The following SIPA1L1 variants were observed in gnomAD, a reference collection of about 807,000 sequenced individuals.
SIPA1L1 encodes signal induced proliferation associated 1 like 1, also known as signal-induced proliferation-associated 1-like protein 1.
SIPA1L1 carries 26 observed loss-of-function variants against 162.7 expected under a neutral mutation model. The observed-to-expected ratio is 0.16, with a 90% CI of 0.12 to 0.22. SIPA1L1 has a LOEUF of 0.22. Among genes scored for constraint, SIPA1L1 ranks in the 10% least tolerant of loss-of-function variants. SIPA1L1 has a pLI of 1.00. For synonymous variants in SIPA1L1, 829 were observed against 837.4 expected (o/e 0.99, Z 0.17); for missense variants, 1,874 against 2,241.0 (o/e 0.84, Z 3.31).
intron 7 of SIPA1L1, among the ~76,000 whole-genome samples, chr14:71,626,621 A>G (rs930272434): frequency 6.6e-6 from 1 of 152,208 alleles, no homozygotes; most frequent in African/African-American, 2.4e-5. Flanking sequence ...ATTGCAAAGC[A>G]TTTTTAGTTT....
intron 9 of SIPA1L1, 104 bp from the exon 10 acceptor site, chr14:71,661,206 A>G: frequency 8.5e-7 from 1 of 1,174,976 alleles, no homozygotes; most frequent in Non-Finnish European, 1.2e-6. Flanking sequence ...CTTCATGTGT[A>G]CTGATTAGGA....
intron 2 of SIPA1L1, among the ~76,000 whole-genome samples, chr14:71,417,336 T>C (rs1346642535): frequency 6.7e-6 from 1 of 149,078 alleles, no homozygotes; most frequent in Non-Finnish European, 1.5e-5. Context: ...CCGGGCGAGG[T>C]GGCGGGTGCC....
At chr14:71,681,384 G>C (rs2045794871) in intron 12 of SIPA1L1, among the ~76,000 whole-genome samples, 1 of 152,154 alleles carries the variant, frequency 6.6e-6, no homozygotes, top group Admixed American at 6.5e-5. Context: ...GCATAGAGTG[G>C]TCAACCCTTT....
At chr14:71,452,172 C>A (rs528178589) in intron 2 of SIPA1L1, among the ~76,000 whole-genome samples, 1 of 151,876 alleles carries the variant, frequency 6.6e-6, no homozygotes, top group Admixed American at 6.6e-5. Context: ...GGAAACCCCC[C>A]CCTCATGTTC....
chr14:71,374,830 G>T (rs2039231995), intron 2 of SIPA1L1, among the ~76,000 whole-genome samples: 1 of 151,554 alleles, frequency 6.6e-6, no homozygotes, highest in South Asian at 2.1e-4. Context: ...TAAGGATTTG[G>T]CTCCTCCTAT....
chr14:71,447,436 G>A (rs2045491951), intron 2 of SIPA1L1, among the ~76,000 whole-genome samples: 2 of 152,152 alleles, frequency 1.3e-5, no homozygotes, highest in Admixed American at 6.5e-5. Context: ...ATTGATGGCA[G>A]ATGCTTCCTA....
At chr14:71,362,084 A>G (rs775718078) in intron 2 of SIPA1L1, among the ~76,000 whole-genome samples, 8 of 152,180 alleles carry the variant, frequency 5.3e-5, no homozygotes, top group Non-Finnish European at 1.2e-4. Flanking sequence ...GTCATGGCAA[A>G]TGGTGAGTGC....
In SIPA1L1 at chr14:71,543,808, T is replaced by C. The variant is rs181356822; in HGVS notation, c.-303+14438T>C. On this transcript the variant is annotated intron_variant, in intron 4 of 23. Transcript: ENST00000381232. ...TAAGATTATATATGTATATAATGTA[T>C]GTATATGTATGTGTATATATACATA... is the stretch of plus-strand genomic sequence containing the variant. Among the ~76,000 whole-genome samples, 4 of 150,070 alleles carry C rather than the reference T, an allele frequency of 2.7e-5. No homozygotes were observed. In the East Asian group the frequency reaches 7.8e-4, roughly 29 times the overall value.
intron 17 of SIPA1L1, among the ~76,000 whole-genome samples, chr14:71,710,367 G>A (rs1297757044): frequency 6.6e-6 from 1 of 152,142 alleles, no homozygotes; most frequent in Non-Finnish European, 1.5e-5. Context: ...ATCCACATAG[G>A]GAAGAAGCAT....
intron 4 of SIPA1L1, among the ~76,000 whole-genome samples, chr14:71,555,877 T>C (rs942112159): frequency 5.3e-5 from 8 of 152,178 alleles, no homozygotes; most frequent in African/African-American, 1.9e-4. Flanking sequence ...ATTTGTTGAT[T>C]GATTGCCGTC....
At chr14:71,699,652 G>A (rs928720844) in intron 14 of SIPA1L1, among the ~76,000 whole-genome samples, 13 of 152,234 alleles carry the variant, frequency 8.5e-5, no homozygotes, top group African/African-American at 2.7e-4. Context: ...AACTGAGGAT[G>A]TGCAAGCTGA....
chr14:71,550,857 C>G (rs1465484306), intron 4 of SIPA1L1, among the ~76,000 whole-genome samples: 1 of 152,072 alleles, frequency 6.6e-6, no homozygotes, highest in East Asian at 1.9e-4. Context: ...TTGAGACCAG[C>G]CTGAGCAACA....
At chr14:71,428,271 A>C (rs2043729638) in intron 2 of SIPA1L1, among the ~76,000 whole-genome samples, 1 of 151,988 alleles carries the variant, frequency 6.6e-6, no homozygotes, top group African/African-American at 2.4e-5. Flanking sequence ...TGCTGGGATT[A>C]CAGGCATGAG....
chr14:71,685,890 G>A (rs1486289790), intron 13 of SIPA1L1, among the ~76,000 whole-genome samples: 1 of 152,194 alleles, frequency 6.6e-6, no homozygotes, highest in Non-Finnish European at 1.5e-5. Context: ...ATTATCAACA[G>A]ACGTCGTTAC....
At chr14:71,674,786 G>A (rs10152026) in intron 12 of SIPA1L1, among the ~76,000 whole-genome samples, 1,627 of 151,452 alleles carry the variant, frequency 0.011, 38 homozygotes, top group African/African-American at 0.037. Flanking sequence ...GGATGGTCTC[G>A]ATCTCCTGAC....
At chr14:71,326,247 C>T (rs2033787571) in intron 2 of SIPA1L1, among the ~76,000 whole-genome samples, 3 of 148,580 alleles carry the variant, frequency 2.0e-5, no homozygotes. Flanking sequence ...CTCGCTGTGT[C>T]ACCCAGGCTG....
intron 21 of SIPA1L1, among the ~76,000 whole-genome samples, chr14:71,734,641 G>C (rs947927572): frequency 3.9e-5 from 6 of 152,116 alleles, no homozygotes; most frequent in African/African-American, 1.4e-4. Flanking sequence ...ACCATGGAAT[G>C]GTCAGCAGTG....
intron 2 of SIPA1L1, among the ~76,000 whole-genome samples, chr14:71,509,605 G>A (rs1202407892): frequency 6.6e-6 from 1 of 152,080 alleles, no homozygotes; most frequent in Non-Finnish European, 1.5e-5. Context: ...TTAGCTGGGT[G>A]TGGTGGCAGG....
At chr14:71,679,165 A>G (rs1007771912) in intron 12 of SIPA1L1, among the ~76,000 whole-genome samples, 6 of 152,200 alleles carry the variant, frequency 3.9e-5, no homozygotes, top group African/African-American at 1.4e-4. Flanking sequence ...TGAAGGAAAA[A>G]GTGTTAAGGG....
Sources: gnomAD v4.1 joint callset for allele counts (sites outside exome capture counted in the v4.1 genomes callset) on GRCh38, gnomAD v4.1.1 for gene constraint, MANE v1.5 for transcripts, NCBI Gene and HGNC (gene_info 2026-07-23, HGNC 2026-07-21) for gene names.